Variants in AGBL1 observed in about 807,000 individuals in gnomAD.
AGBL1 encodes the protein cytosolic carboxypeptidase 4.
In AGBL1, 130 loss-of-function variants were observed where a neutral mutation model predicts 118.9. The ratio of observed to expected loss-of-function variants is 1.09; its 90% confidence interval spans 0.95 to 1.26. The LOEUF (loss-of-function observed/expected upper bound fraction) is 1.26. AGBL1 is among the 50% of genes most tolerant of loss of function. The pLI is 0.00. For synonymous variants in AGBL1, 555 were observed against 478.9 expected (o/e 1.16, Z -2.08); for missense variants, 1,584 against 1,298.1 (o/e 1.22, Z -3.38).
intron 21 of AGBL1, among the ~76,000 whole-genome samples, chr15:86,587,715 T>G (rs886709709): frequency 5.3e-5 from 8 of 152,020 alleles, no homozygotes; most frequent in Non-Finnish European, 8.8e-5. Flanking sequence ...ACAGAAAAAA[T>G]AAGTTTTGAT....
intron 18 of AGBL1, among the ~76,000 whole-genome samples, chr15:86,411,730 T>C (rs2081623906): frequency 6.6e-6 from 1 of 152,136 alleles, no homozygotes; most frequent in South Asian, 2.1e-4. Context: ...GAGACATAAC[T>C]CTTTTTGGCC....
intron 18 of AGBL1, among the ~76,000 whole-genome samples, chr15:86,405,536 C>T (rs2081513421): frequency 6.6e-6 from 1 of 151,744 alleles, no homozygotes; most frequent in Non-Finnish European, 1.5e-5. Context: ...AAAACAACAA[C>T]AAAAAAGAAA....
intron 16 of AGBL1, among the ~76,000 whole-genome samples, chr15:86,286,166 A>C (rs1004922430): frequency 1.3e-5 from 2 of 151,334 alleles, no homozygotes; most frequent in African/African-American, 4.9e-5. Context: ...TATTTATAAA[A>C]GTTTCATTTT....
intron 22 of AGBL1, among the ~76,000 whole-genome samples, chr15:86,886,133 T>C (rs1183082179): frequency 6.6e-6 from 1 of 152,216 alleles, no homozygotes; most frequent in Non-Finnish European, 1.5e-5. Flanking sequence ...ATCGAAACTG[T>C]AAACATCCTG....
In AGBL1 at chr15:86,126,628, G is replaced by T. The variant is rs555420507; in HGVS notation, c.52-15376G>T. On this transcript the variant is annotated intron_variant, in intron 1 of 22. Coordinates refer to ENST00000614907, the MANE Select transcript of AGBL1 (RefSeq NM_001386094.1). ...TTATCCATACTTATTACCTAGTGAT[G>T]ATAAAATTTTGAATATATTCTTTCA... Among the ~76,000 whole-genome samples, 14 of 152,270 alleles carry T rather than the reference G, an allele frequency of 9.2e-5. No homozygotes were observed. In the South Asian group the frequency reaches 2.9e-3, roughly 32 times the overall value.
At chr15:86,964,031 C>A (rs28636615) in intron 23 of AGBL1, among the ~76,000 whole-genome samples, 5,884 of 146,288 alleles carry the variant, frequency 0.04, 157 homozygotes, top group Middle Eastern at 0.073. Context: ...CTCTCTCTCT[C>A]TGTGTGTGTG....
At chr15:87,004,688 A>G (rs962778293) in intron 24 of AGBL1, among the ~76,000 whole-genome samples, 3 of 152,148 alleles carry the variant, frequency 2.0e-5, no homozygotes, top group Non-Finnish European at 2.9e-5. Context: ...GCCCATTTAC[A>G]TTTAAGGTTA....
intron 18 of AGBL1, among the ~76,000 whole-genome samples, chr15:86,503,751 C>T (rs1278590546): frequency 1.3e-5 from 2 of 151,332 alleles, no homozygotes; most frequent in Non-Finnish European, 3.0e-5. Context: ...AAACTTCCCT[C>T]TGCTATTGGT....
Position 86,143,818 on chromosome 15 carries a change from C to G in AGBL1, c.235C>G (p.Arg79Gly). The change falls in exon 3 of 23, where the codon CGG becomes GGG. Residue 79 changes from arginine to glycine, a missense_variant. Coordinates refer to ENST00000614907, the MANE Select transcript of AGBL1 (RefSeq NM_001386094.1). ...CTATGACATCCTCCTGCCTCTCTTCCGGCTGCTGGCCAAAGTTGGCCTAAG... is the reference window on the plus strand; with the variant it reads ...CTATGACATCCTCCTGCCTCTCTTCGGGCTGCTGGCCAAAGTTGGCCTAAG... ...PDYDILLPLF[R>G]LLAKVGLRDK... 6.2e-7 allele frequency: 1 copy of G among 1,613,814 alleles called. No individual in the cohort carries two copies. Among genetic ancestry groups the G allele is most frequent in the Non-Finnish European group, 8.5e-7 (1 of 1,179,784 alleles).
chr15:86,707,371 T>C (rs1481579447), intron 22 of AGBL1, among the ~76,000 whole-genome samples: 1 of 151,962 alleles, frequency 6.6e-6, no homozygotes, highest in Non-Finnish European at 1.5e-5. Context: ...TCTGTAAATA[T>C]TACTTTCCAG....
At chr15:86,875,463 G>C (rs1209778548) in intron 22 of AGBL1, among the ~76,000 whole-genome samples, 2 of 152,152 alleles carry the variant, frequency 1.3e-5, no homozygotes, top group African/African-American at 4.8e-5. Flanking sequence ...AGATGAGTGA[G>C]CGGTTGGGAT....
chr15:86,192,361 G>T, intron 5 of AGBL1, among the ~76,000 whole-genome samples: 1 of 150,132 alleles, frequency 6.7e-6, no homozygotes, highest in African/African-American at 2.4e-5. Context: ...ATAATATATA[G>T]TGAAATATAA....
chr15:86,548,320 A>G (rs1445966052), intron 20 of AGBL1, among the ~76,000 whole-genome samples: 1 of 152,196 alleles, frequency 6.6e-6, no homozygotes, highest in Non-Finnish European at 1.5e-5. Flanking sequence ...ACACCCTGTT[A>G]TATTTCACAT....
At chr15:86,998,931 T>C (rs913749308) in intron 24 of AGBL1, among the ~76,000 whole-genome samples, 7 of 151,336 alleles carry the variant, frequency 4.6e-5, no homozygotes, top group South Asian at 2.1e-4. Flanking sequence ...GTTACATATG[T>C]ATACATGTGC....
At chr15:87,026,165 T>A (rs1475187688) in intron 24 of AGBL1, among the ~76,000 whole-genome samples, 1 of 152,012 alleles carries the variant, frequency 6.6e-6, no homozygotes, top group Non-Finnish European at 1.5e-5. Context: ...TGGGACTTAG[T>A]TAAACTAAAG....
At chr15:86,595,548 A>C (rs2142360508) in intron 21 of AGBL1, among the ~76,000 whole-genome samples, 1 of 152,230 alleles carries the variant, frequency 6.6e-6, no homozygotes, top group Admixed American at 6.5e-5. Flanking sequence ...TCACCATGTC[A>C]TTATATTATC....
chr15:86,816,944 C>T (rs565103990), intron 22 of AGBL1, among the ~76,000 whole-genome samples: 11 of 152,006 alleles, frequency 7.2e-5, no homozygotes, highest in Non-Finnish European at 1.6e-4. Flanking sequence ...ATTGAGGTCT[C>T]AGAGCAGGTT....
At chr15:86,187,859 A>G (rs1413680451) in intron 5 of AGBL1, among the ~76,000 whole-genome samples, 3 of 152,180 alleles carry the variant, frequency 2.0e-5, no homozygotes, top group Admixed American at 2.0e-4. Context: ...AGGCTTGCTC[A>G]AAACGCTGCT....
chr15:86,777,957 G>T (rs140005439), intron 22 of AGBL1, among the ~76,000 whole-genome samples: 1 of 152,020 alleles, frequency 6.6e-6, no homozygotes, highest in Non-Finnish European at 1.5e-5. Flanking sequence ...GCCAGATATC[G>T]GGCGAAGTTC....
Sources: gnomAD v4.1 joint callset for allele counts (sites outside exome capture counted in the v4.1 genomes callset) on GRCh38, gnomAD v4.1.1 for gene constraint, MANE v1.5 for transcripts, NCBI Gene and HGNC (gene_info 2026-07-23, HGNC 2026-07-21) for gene names.